The following ZNF569 variants were observed in gnomAD, a reference collection of about 807,000 sequenced individuals.
ZNF569 encodes the protein zinc finger protein 569.
Under a neutral mutation model 56.3 loss-of-function variants are expected in ZNF569, and 38 were observed. The observed-to-expected ratio is 0.68, with a 90% confidence interval of 0.52 to 0.88. The LOEUF (loss-of-function observed/expected upper bound fraction) is 0.88. Among genes scored for constraint, ZNF569 ranks in the 40% least tolerant of loss-of-function variants. The probability of loss-of-function intolerance (pLI) is 0.00; values close to 1 mark genes in which losing one functional copy is unlikely to be tolerated. For missense variants in ZNF569, 666 were observed against 809.2 expected (o/e 0.82, Z 2.15); for synonymous variants, 241 against 262.9 (o/e 0.92, Z 0.81).
chr19:37,449,961 T>C (rs1171584643), intron 2 of ZNF569, among the ~76,000 whole-genome samples: 2 of 152,234 alleles, frequency 1.3e-5, no homozygotes, highest in South Asian at 2.1e-4. Flanking sequence ...CCCCCACTTT[T>C]CTCCTTTGGT....
In ZNF569 at chr19:37,412,342, A is replaced by C; in HGVS notation, c.*255T>G. 6 of 451,022 alleles carry C rather than the reference A, an allele frequency of 1.3e-5. No homozygotes were observed. Among genetic ancestry groups the C allele is most frequent in the Non-Finnish European group, 2.1e-5 (6 of 280,128 alleles). The allele number at this position is 451,022 out of a possible 1,614,324, so 27.9% of individuals were successfully genotyped here. ...TTGTGTTGTTATGCTGATGGAAGAT[A>C]CCTTGTTTCAGATTTCAATGAGAAT... On this transcript the variant is annotated 3_prime_UTR_variant, in exon 6 of 6. Transcript: ENST00000316950.
upstream of ZNF569, among the ~76,000 whole-genome samples, chr19:37,468,627 T>G (rs2041893309): frequency 6.6e-6 from 1 of 152,216 alleles, no homozygotes; most frequent in South Asian, 2.1e-4. Flanking sequence ...TGCCTCAGCC[T>G]CCTGAGTAGC....
chr19:37,468,035 C>T (rs1021756754), upstream of ZNF569: 6 of 1,055,416 alleles, frequency 5.7e-6, no homozygotes, highest in Non-Finnish European at 8.4e-6. Flanking sequence ...GCTGTGTCAT[C>T]TCAGACTAGG....
chr19:37,457,032 A>C (rs2041682950), intron 2 of ZNF569, among the ~76,000 whole-genome samples: 1 of 144,182 alleles, frequency 6.9e-6, no homozygotes, highest in Non-Finnish European at 1.5e-5. Flanking sequence ...GAAGATCAGT[A>C]CAAAGAATAC....
chr19:37,444,468 C>G (rs1000623143), intron 3 of ZNF569, among the ~76,000 whole-genome samples: 8 of 151,930 alleles, frequency 5.3e-5, no homozygotes, highest in African/African-American at 1.9e-4. Flanking sequence ...TGCATTGTTT[C>G]TAATGCTGGG....
At chr19:37,425,794 G>T in intron 5 of ZNF569, 74 bp downstream of exon 5, 1 of 1,178,782 alleles carries the variant, frequency 8.5e-7, no homozygotes, top group Non-Finnish European at 1.3e-6. Flanking sequence ...ATATTTTAGA[G>T]GGATCAACCA....
intron 3 of ZNF569, among the ~76,000 whole-genome samples, chr19:37,432,871 A>C (rs1600312133): frequency 6.6e-6 from 1 of 152,088 alleles, no homozygotes; most frequent in African/African-American, 2.4e-5. Context: ...TGGAGCTGAA[A>C]AATGCAACGG....
intron 3 of ZNF569, among the ~76,000 whole-genome samples, chr19:37,433,665 G>C (rs568569459): frequency 6.6e-6 from 1 of 152,318 alleles, no homozygotes; most frequent in South Asian, 2.1e-4. Context: ...AGACTTTTCA[G>C]TGGAAATTTT....
At chr19:37,443,878 C>T (rs866807141) in intron 3 of ZNF569, among the ~76,000 whole-genome samples, 30 of 151,450 alleles carry the variant, frequency 2.0e-4, no homozygotes, top group East Asian at 1.4e-3. Context: ...ATTAGCCAGG[C>T]GTGCTGGTGG....
intron 2 of ZNF569, among the ~76,000 whole-genome samples, chr19:37,461,693 T>G (rs1010503289): frequency 6.6e-6 from 1 of 152,140 alleles, no homozygotes; most frequent in African/African-American, 2.4e-5. Context: ...TTGATTCTAC[T>G]AATTTTTTAC....
chr19:37,416,004 A>C (rs2040924598), intron 5 of ZNF569, among the ~76,000 whole-genome samples: 1 of 152,044 alleles, frequency 6.6e-6, no homozygotes, highest in Admixed American at 6.5e-5. Context: ...AGGCTGAGGC[A>C]AACAGATCTC....
At chr19:37,460,600 A>G (rs560289345) in intron 2 of ZNF569, among the ~76,000 whole-genome samples, 5 of 152,246 alleles carry the variant, frequency 3.3e-5, no homozygotes, top group African/African-American at 9.6e-5. Flanking sequence ...TTACAAGTAA[A>G]GAGATGAAGC....
intron 2 of ZNF569, among the ~76,000 whole-genome samples, chr19:37,459,549 C>G (rs2041725862): frequency 6.7e-6 from 1 of 150,358 alleles, no homozygotes; most frequent in Non-Finnish European, 1.5e-5. Context: ...ACCAGCAGAC[C>G]TACCCTGTAA....
chr19:37,447,947 C>T (rs761034764), intron 2 of ZNF569, among the ~76,000 whole-genome samples: 2 of 152,146 alleles, frequency 1.3e-5, no homozygotes, highest in Non-Finnish European at 2.9e-5. Flanking sequence ...AAGATGAACC[C>T]TATTGTGATA....
chr19:37,450,321 C>T (rs560420190), intron 2 of ZNF569, among the ~76,000 whole-genome samples: 61 of 152,202 alleles, frequency 4.0e-4, no homozygotes, highest in Non-Finnish European at 7.6e-4. Flanking sequence ...ATTCAGTTTC[C>T]ACACTAGTTA....
chr19:37,437,763 G>T (rs2041335645), intron 3 of ZNF569, among the ~76,000 whole-genome samples: 1 of 151,816 alleles, frequency 6.6e-6, no homozygotes, highest in Non-Finnish European at 1.5e-5. Flanking sequence ...GTTAACCAAA[G>T]AATTGAAAGA....
rs1448903142 is a variant in ZNF569, at chr19:37,413,471, G to A, written c.1187C>T (p.Ala396Val). 1 of 1,613,548 alleles carries A rather than the reference G, an allele frequency of 6.2e-7. No individual in the cohort carries two copies. The highest frequency in any genetic ancestry group is 1.3e-5 in the African/African-American group (1 of 74,834). ...GTGACTTCTCATATGTACAGTAAGGGCTGAGCTTTGAGAGAAGGCTTTTCC... is the reference window on the plus strand; with the variant it reads ...GTGACTTCTCATATGTACAGTAAGGACTGAGCTTTGAGAGAAGGCTTTTCC... Reference protein sequence around the residue: ...ECGKAFSQSSALTVHMRSHTG... With the variant: ...ECGKAFSQSSVLTVHMRSHTG... The change falls in exon 6 of 6, where the codon GCC (alanine) becomes GTC (valine). Residue 396 changes from alanine to valine, a missense_variant. Ala to Val is a moderately conservative substitution (Grantham distance 64). Coordinates refer to ENST00000316950, the MANE Select transcript of ZNF569 (RefSeq NM_152484.3).
intron 3 of ZNF569, among the ~76,000 whole-genome samples, chr19:37,437,200 A>G (rs921820989): frequency 5.9e-5 from 9 of 152,152 alleles, no homozygotes; most frequent in African/African-American, 1.9e-4. Context: ...TCAATGTGAT[A>G]TATCAGATCA....
intron 3 of ZNF569, among the ~76,000 whole-genome samples, chr19:37,443,519 C>T (rs1356803531): frequency 6.6e-6 from 1 of 152,084 alleles, no homozygotes; most frequent in East Asian, 1.9e-4. Flanking sequence ...CTTCTAGGTA[C>T]TGGAGATACA....
Sources: allele counts gnomAD v4.1 joint callset (sites outside exome capture counted in the v4.1 genomes callset), GRCh38; gene constraint gnomAD v4.1.1; transcripts MANE v1.5; gene names NCBI Gene and HGNC (gene_info 2026-07-23, HGNC 2026-07-21).